Variants in RBM5 observed in about 807,000 individuals in gnomAD.
RBM5 encodes RNA-binding protein 5.
Under a neutral mutation model 124.6 loss-of-function variants are expected in RBM5, and 15 were observed. The observed-to-expected ratio is 0.12, with a 90% CI of 0.08 to 0.19. RBM5 has a LOEUF of 0.19. Ranked by LOEUF, RBM5 falls within the 10% of genes least tolerant of loss-of-function variation. RBM5 has a pLI of 1.00. For synonymous variants in RBM5, 337 were observed against 361.2 expected, an observed-to-expected ratio of 0.93 and a Z score of 0.76; for missense variants, 580 against 1,026.5, an observed-to-expected ratio of 0.57 and a Z score of 5.94.
At chr3:50,097,830 G>A (rs2090851552) in intron 4 of RBM5, among the ~76,000 whole-genome samples, 1 of 152,202 alleles carries the variant, frequency 6.6e-6, no homozygotes, top group African/African-American at 2.4e-5. Flanking sequence ...GCCTGGTGCG[G>A]TGGCTCACGC....
intron 22 of RBM5, 71 bp downstream of exon 22, chr3:50,116,051 T>A: frequency 7.0e-7 from 1 of 1,420,154 alleles, no homozygotes; most frequent in Non-Finnish European, 1.0e-6. Context: ...TTGTAGCATT[T>A]AGTTCCAGAT....
intron 22 of RBM5, chr3:50,116,257 G>A (rs1406808921): frequency 2.5e-6 from 1 of 404,818 alleles, no homozygotes; most frequent in East Asian, 4.8e-5. Flanking sequence ...GCTGGATTTT[G>A]TTATGGAGAG....
In RBM5 at chr3:50,117,712, A is replaced by C. The variant is rs568529992; in HGVS notation, c.2322+333A>C. The stretch of plus-strand genomic sequence containing the variant: ...AGGAGAATTGCTAGAACCTGGCAGG[A>C]GGAGGTTGCAGTGAGCCGAGATCAC... On this transcript the variant is annotated intron_variant, in intron 24 of 24. Transcript: ENST00000347869. This position sits in a 1 kb window ranked among gnomAD's most constrained non-coding sequence, Gnocchi z 4.2. The C allele has an allele frequency of 4.9e-6, 1 of 205,240 alleles. No individual in the cohort carries two copies. Among genetic ancestry groups the C allele is most frequent in the East Asian group, 1.1e-4 (1 of 8,800 alleles). 12.7% of individuals were successfully genotyped at this position (205,240 alleles called of 1,614,324 possible).
intron 10 of RBM5, among the ~76,000 whole-genome samples, chr3:50,106,334 G>A (rs1326521598): frequency 6.6e-6 from 1 of 151,816 alleles, no homozygotes; most frequent in Non-Finnish European, 1.5e-5. Context: ...TAGAGATGGG[G>A]TTTCACTGTG....
intron 22 of RBM5, 28 bp downstream of exon 22, chr3:50,116,008 G>A: frequency 6.3e-7 from 1 of 1,576,032 alleles, no homozygotes; most frequent in Non-Finnish European, 8.7e-7. Flanking sequence ...CCACAAGGAA[G>A]AGGATATTGG....
chr3:50,099,844 C>G (rs1354814336), intron 4 of RBM5, 138 bp from the exon 5 acceptor site: 1 of 660,936 alleles, frequency 1.5e-6, no homozygotes, highest in Non-Finnish European at 2.4e-6. Context: ...CCTGGGCAAT[C>G]AAGTGAGTGA....
intron 4 of RBM5, 99 bp downstream of exon 4, chr3:50,093,974 T>C (rs954378226): frequency 2.2e-6 from 3 of 1,392,842 alleles, no homozygotes; most frequent in African/African-American, 1.4e-5. Flanking sequence ...CTTAAGCCAA[T>C]AGAGGTTGAG....
rs1291885523 is a variant in RBM5 at position 50,110,809 on chromosome 3, A to C, written c.1455+39A>C. The C allele has an allele frequency of 6.1e-6, 9 of 1,476,596 alleles. No homozygotes were observed. The South Asian group carries it at 1.1e-4, about 17-fold the overall frequency. The allele number at this position is 1,476,596 out of a possible 1,614,324, so 91.5% of individuals were successfully genotyped here. Reference sequence around the variant, plus strand: ...TTTCCTCCTCAATTTCACTAGAAGTAGTTTCGCTTAGTGCATTTATGAGGC... The same window carrying C: ...TTTCCTCCTCAATTTCACTAGAAGTCGTTTCGCTTAGTGCATTTATGAGGC... On this transcript the variant is annotated intron_variant, in intron 17 of 24. Transcript: ENST00000347869.
At chr3:50,116,891 T>A (rs891431246) in intron 22 of RBM5, 183 bp from the exon 23 acceptor site, 1 of 598,812 alleles carries the variant, frequency 1.7e-6, no homozygotes, top group Non-Finnish European at 2.9e-6. Context: ...ATTTACAAAT[T>A]TAACATTTCA....
rs1249959148 is a variant in RBM5 at position 50,100,400 on chromosome 3, C to A, written c.410-132C>A. 1.1e-5 allele frequency: 8 copies of A among 745,260 alleles called. No homozygotes were observed. The highest frequency in any genetic ancestry group is 8.7e-5 in the African/African-American group (5 of 57,296). The allele number at this position is 745,260 out of a possible 1,614,324, so 46.2% of individuals were successfully genotyped here. On this transcript the variant is annotated intron_variant, in intron 5 of 24. Coordinates refer to ENST00000347869, the MANE Select transcript of RBM5 (RefSeq NM_005778.4). The surrounding 1 kb of genome is among the most constrained non-coding windows in gnomAD (Gnocchi z 5.1). ...CAAAGTATCAAGAAGATCCCCAAGT[C>A]AAGTCACATTTGTAAAGCTGCTTCC...
chr3:50,107,428 C>A, intron 11 of RBM5, 54 bp from the exon 12 acceptor site: 1 of 1,401,510 alleles, frequency 7.1e-7, no homozygotes, highest in Non-Finnish European at 1.0e-6. Context: ...TATAGGGGCA[C>A]TAATTGTGGG....
intron 2 of RBM5, 103 bp from the exon 3 acceptor site, chr3:50,091,940 A>C: frequency 1.1e-6 from 1 of 923,058 alleles, no homozygotes; most frequent in Admixed American, 2.7e-5. Flanking sequence ...AACTATTTGG[A>C]TTATCTTATA....
chr3:50,092,228 A>G lies in RBM5; in HGVS notation c.183+20A>G, dbSNP rs200723164. ...CCAGAGGTGAGTGACCAGCGGCTGT[A>G]TAACCCCCCAAAACACTCTGAGCCT... On this transcript the variant is annotated intron_variant, in intron 3 of 24. Coordinates refer to ENST00000347869, the MANE Select transcript of RBM5 (RefSeq NM_005778.4). 8 of 1,608,194 alleles carry G rather than the reference A, an allele frequency of 5.0e-6. No homozygotes were observed. In the East Asian group the frequency reaches 1.1e-4, roughly 22 times the overall value.
At chr3:50,091,560 A>T (rs1420646315) in intron 2 of RBM5, among the ~76,000 whole-genome samples, 1 of 152,214 alleles carries the variant, frequency 6.6e-6, no homozygotes, top group African/African-American at 2.4e-5. Flanking sequence ...GGGGAAAAAA[A>T]AGACTAACTT....
Position 50,091,008 on chromosome 3 carries a change from T to C in RBM5, c.17+557T>C, listed in dbSNP as rs116413271. 6.3e-3 allele frequency among the ~76,000 whole-genome samples: 960 copies of C among 152,362 alleles called. 5 individuals carry two copies. Among genetic ancestry groups the C allele is most frequent in the Non-Finnish European group, 0.01 (708 of 68,028 alleles). The stretch of plus-strand genomic sequence containing the variant: ...CCAAAGAATTAGTGGAAAATTAAGA[T>C]GAGAGCATTTGGCTATTGTGTCACC... On this transcript the variant is annotated intron_variant, in intron 2 of 24. Transcript: ENST00000347869.
In RBM5 at chr3:50,118,645, G is replaced by GCCTT; in HGVS notation, c.*196_*199dup. On this transcript the variant is annotated 3_prime_UTR_variant, in exon 25 of 25. Coordinates refer to ENST00000347869, the MANE Select transcript of RBM5 (RefSeq NM_005778.4). ...CCTTATGTGGGTTGCCTGGTGAATGGCCTTCCTTCCCGCCAGAGGGCTTGT... is the reference window on the plus strand; with the variant it reads ...CCTTATGTGGGTTGCCTGGTGAATGGCCTTCCTTCCTTCCCGCCAGAGGGCTTGT... 1.2e-6 allele frequency: 1 copy of GCCTT among 868,684 alleles called. No individual in the cohort carries two copies. The highest frequency in any genetic ancestry group is 1.7e-6 in the Non-Finnish European group (1 of 577,924). 53.8% of individuals were successfully genotyped at this position (868,684 alleles called of 1,614,324 possible).
intron 22 of RBM5, chr3:50,116,820 G>C (rs186109104): frequency 2.1e-6 from 1 of 466,604 alleles, no homozygotes; most frequent in Admixed American, 3.4e-5. Context: ...ACAGAGGGTG[G>C]CTAATTAAAT....
rs1288259309 is a variant in RBM5 at position 50,117,273 on chromosome 3, A to T, written c.2216A>T (p.Asp739Val). 2 of 1,614,126 alleles carry T rather than the reference A, an allele frequency of 1.2e-6. No individual in the cohort carries two copies. The highest frequency in any genetic ancestry group is 1.7e-5 in the Admixed American group (1 of 60,006). ...AGGAATTACGAGCAACCCACCAAAG[A>T]TGGCATTGACCACAGTAACATTGGC... is the stretch of plus-strand genomic sequence containing the variant. ...GTVNYEQPTK[D>V]GIDHSNIGNK... The change falls in exon 24 of 25, where the codon GAT (aspartate) becomes GTT (valine). Residue 739 changes from aspartate (D) to valine (V), a missense_variant. Asp to Val is a radical substitution (Grantham distance 152). Around this residue, in one of 6 missense-constraint regions of RBM5, gnomAD observed 234 missense variants for 435.1 expected, o/e 0.54. Transcript: ENST00000347869. The surrounding 1 kb of genome is among the most constrained non-coding windows in gnomAD (Gnocchi z 4.2).
Position 50,117,182 on chromosome 3 carries a change from T to G in RBM5, c.2192+11T>G, listed in dbSNP as rs2091268995. ...TGATGCCGGCACTGTGTATGTGATG[T>G]GCACATTTTCCAGTTCGTAAGCTGG... On this transcript the variant is annotated intron_variant, in intron 23 of 24. Coordinates refer to ENST00000347869, the MANE Select transcript of RBM5 (RefSeq NM_005778.4). The surrounding 1 kb of genome is among the most constrained non-coding windows in gnomAD (Gnocchi z 4.2). 5.0e-6 allele frequency: 8 copies of G among 1,614,232 alleles called. No homozygotes were observed. Among genetic ancestry groups the G allele is most frequent in the South Asian group, 1.1e-5 (1 of 91,090 alleles).
Sources: gnomAD v4.1 joint callset for allele counts (sites outside exome capture counted in the v4.1 genomes callset) on GRCh38, gnomAD v4.1.1 for gene constraint, gnomAD v4.1.1 regional missense constraint, Gnocchi (gnomAD v3.1) non-coding constraint, MANE v1.5 for transcripts, NCBI Gene and HGNC (gene_info 2026-07-23, HGNC 2026-07-21) for gene names.